NUP62CL: variants seen among roughly 807,000 people sequenced by gnomAD.
NUP62CL encodes nucleoporin-62 C-terminal-like protein.
A neutral mutation model predicts 15.3 loss-of-function variants in NUP62CL; 13 were observed. That is an observed-to-expected ratio of 0.85 (90% CI 0.55 to 1.35). The LOEUF is 1.35. Ranked by LOEUF, NUP62CL falls within the 40% of genes most tolerant of loss-of-function variation. The probability of loss-of-function intolerance (pLI) is 0.00; values close to 1 mark genes in which losing one functional copy is unlikely to be tolerated. For missense variants in NUP62CL, 123 were observed against 130.6 expected (o/e 0.94, Z 0.28); for synonymous variants, 54 against 49.2 (o/e 1.10, Z -0.41).
At chrX:107,165,841 G>T (rs376037325) in intron 4 of NUP62CL, among the ~76,000 whole-genome samples, 2 of 111,426 alleles carry the variant, frequency 1.8e-5, no homozygotes, top group Non-Finnish European at 3.8e-5. Flanking sequence ...GGAAAAACTC[G>T]ACATCCACAG....
chrX:107,130,342 A>G (rs762610458), intron 8 of NUP62CL, among the ~76,000 whole-genome samples: 57 of 112,208 alleles, frequency 5.1e-4, no homozygotes, highest in Non-Finnish European at 7.9e-4. Flanking sequence ...AAAACAACAG[A>G]ACAACTTCTT....
chrX:107,162,180 C>T (rs1010477800), intron 4 of NUP62CL, among the ~76,000 whole-genome samples: 8 of 110,316 alleles, frequency 7.3e-5, no homozygotes, highest in African/African-American at 2.0e-4. Flanking sequence ...ATATAATTTA[C>T]AGAAAACAAA....
At chrX:107,164,418 C>G (rs1193297954) in intron 4 of NUP62CL, among the ~76,000 whole-genome samples, 1 of 110,690 alleles carries the variant, frequency 9.0e-6, no homozygotes. Flanking sequence ...AATCAATAGT[C>G]TGAGTTCATA....
chrX:107,204,785 T>TTAAATAAATTATTTAAATAAATTA (rs1367842837), intron 1 of NUP62CL, among the ~76,000 whole-genome samples: 6 of 87,020 alleles, frequency 6.9e-5, no homozygotes, highest in South Asian at 4.8e-4. Flanking sequence ...TAAATAAATT[T>TTAAATAAATTATTTAAATAAATTA]TAAATAAATT....
chrX:107,186,137 G>A (rs949800774), intron 2 of NUP62CL, among the ~76,000 whole-genome samples: 5 of 111,394 alleles, frequency 4.5e-5, no homozygotes, highest in African/African-American at 1.6e-4. Context: ...TTCAATACCC[G>A]TCTCTTACCA....
intron 7 of NUP62CL, among the ~76,000 whole-genome samples, chrX:107,152,051 T>TATATATATATATATATATATTCAG (rs1926028578): frequency 1.8e-5 from 1 of 55,609 alleles, no homozygotes. Context: ...TATATTCAGA[T>TATATATATATATATATATATTCAG]ATATATATAT....
At chrX:107,164,181 C>T (rs1292332657) in intron 4 of NUP62CL, among the ~76,000 whole-genome samples, 1 of 111,227 alleles carries the variant, frequency 9.0e-6, no homozygotes, top group African/African-American at 3.3e-5. Flanking sequence ...ATCAAAGTAG[C>T]GATCAATACA....
At chrX:107,156,060 C>T (rs938062087) in intron 4 of NUP62CL, among the ~76,000 whole-genome samples, 14 of 110,901 alleles carry the variant, frequency 1.3e-4, no homozygotes, top group Non-Finnish European at 2.1e-4. Context: ...CCGAATATTG[C>T]GCTTTTCAGA....
chrX:107,132,032 C>T, intron 8 of NUP62CL: 2 of 1,024,724 alleles, frequency 2.0e-6, no homozygotes, highest in Non-Finnish European at 2.8e-6. Flanking sequence ...AATGATTTCT[C>T]CTATCGACCC....
rs1569356967 is a variant in NUP62CL, at chrX:107,152,053, T to TATATATATATATATATATATTCAG, written c.530+1118_530+1119insCTGAATATATATATATATATATAT. Among the ~76,000 whole-genome samples the TATATATATATATATATATATTCAG allele has an allele frequency of 1.4e-3, 96 of 66,461 alleles. 7 individuals are homozygous for TATATATATATATATATATATTCAG. Among genetic ancestry groups the TATATATATATATATATATATTCAG allele is most frequent in the African/African-American group, 7.6e-3 (89 of 11,747 alleles). The allele number at this position is 66,461 out of a possible 115,157, so 57.7% of individuals were successfully genotyped here. On this transcript the variant is annotated intron_variant, in intron 7 of 8. Coordinates refer to ENST00000372466, the MANE Select transcript of NUP62CL (RefSeq NM_017681.3). ...TTGAATATATATATATATTCAGATA[T>TATATATATATATATATATATTCAG]ATATATATATATATATATATATTCA...
intron 3 of NUP62CL, 137 bp from the exon 4 acceptor site, chrX:107,167,921 A>C: frequency 2.0e-6 from 1 of 500,029 alleles, no homozygotes; most frequent in Non-Finnish European, 3.1e-6. Context: ...TGAATTCAAC[A>C]CTGTTGTAAT....
intron 2 of NUP62CL, among the ~76,000 whole-genome samples, chrX:107,189,593 T>C (rs1447253577): frequency 2.0e-5 from 2 of 101,416 alleles, no homozygotes; most frequent in Admixed American, 2.2e-4. Context: ...CTGGGCAACA[T>C]GGTGAAACCC....
chrX:107,152,051 T>TAG lies in NUP62CL; in HGVS notation c.530+1120_530+1121insCT, dbSNP rs1926028388. Among the ~76,000 whole-genome samples, 6 of 55,609 alleles carry TAG rather than the reference T, an allele frequency of 1.1e-4. 1 individual carries two copies. The highest frequency in any genetic ancestry group is 0.013 in the Middle Eastern group (2 of 154). The allele number at this position is 55,609 out of a possible 115,157, so 48.3% of individuals were successfully genotyped here. On this transcript the variant is annotated intron_variant, in intron 7 of 8. Coordinates refer to ENST00000372466, the MANE Select transcript of NUP62CL (RefSeq NM_017681.3). Reference sequence around the variant, plus strand: ...TCTTGAATATATATATATATTCAGATATATATATATATATATATATATATT... The same window carrying TAG: ...TCTTGAATATATATATATATTCAGATAGATATATATATATATATATATATATT...
At chrX:107,163,965 C>A (rs1243877171) in intron 4 of NUP62CL, among the ~76,000 whole-genome samples, 1 of 112,060 alleles carries the variant, frequency 8.9e-6, no homozygotes, top group African/African-American at 3.2e-5. Context: ...GACAGAAAGA[C>A]TCCAATAACA....
chrX:107,195,428 T>G (rs1927340794), intron 1 of NUP62CL, among the ~76,000 whole-genome samples: 1 of 112,035 alleles, frequency 8.9e-6, no homozygotes, highest in Non-Finnish European at 1.9e-5. Flanking sequence ...GATTTTGATA[T>G]TATCTGTGCA....
intron 4 of NUP62CL, among the ~76,000 whole-genome samples, chrX:107,156,074 G>T (rs1055161950): frequency 1.8e-5 from 2 of 110,627 alleles, no homozygotes; most frequent in Admixed American, 9.5e-5. Flanking sequence ...TTTCAGACCG[G>T]CTTAAAAAAC....
intron 8 of NUP62CL, among the ~76,000 whole-genome samples, chrX:107,139,371 T>C (rs1925714099): frequency 8.9e-6 from 1 of 112,054 alleles, no homozygotes; most frequent in Non-Finnish European, 1.9e-5. Context: ...TCAATGTGAA[T>C]ATCCTAGTTG....
intron 2 of NUP62CL, among the ~76,000 whole-genome samples, chrX:107,179,867 A>G (rs1387428207): frequency 1.8e-5 from 2 of 112,179 alleles, no homozygotes; most frequent in Non-Finnish European, 3.8e-5. Context: ...ATAAAAGTGT[A>G]TATCAAGGCT....
intron 2 of NUP62CL, among the ~76,000 whole-genome samples, chrX:107,190,526 T>C (rs1418568423): frequency 1.8e-5 from 2 of 111,985 alleles, no homozygotes; most frequent in Non-Finnish European, 3.8e-5. Context: ...CCTAAAACTA[T>C]AAACCAGAAG....
Sources: allele counts gnomAD v4.1 joint callset (sites outside exome capture counted in the v4.1 genomes callset), GRCh38; gene constraint gnomAD v4.1.1; transcripts MANE v1.5; gene names NCBI Gene and HGNC (gene_info 2026-07-23, HGNC 2026-07-21).